SH3PXD2A: variants seen among roughly 807,000 people sequenced by gnomAD.
The protein encoded by SH3PXD2A is SH3 and PX domains 2A.
SH3PXD2A carries 32 observed loss-of-function variants against 115.2 expected under a neutral mutation model. The ratio of observed to expected loss-of-function variants is 0.28; its 90% confidence interval spans 0.21 to 0.37. SH3PXD2A has a LOEUF of 0.37. Ranked by LOEUF, SH3PXD2A falls within the 10% of genes least tolerant of loss-of-function variation. SH3PXD2A has a pLI of 1.00. For synonymous variants in SH3PXD2A, 610 were observed against 629.1 expected (o/e 0.97, Z 0.45); for missense variants, 1,328 against 1,498.7 (o/e 0.89, Z 1.88).
At chr10:103,727,714 G>A (rs983019377) in intron 4 of SH3PXD2A, among the ~76,000 whole-genome samples, 3 of 152,252 alleles carry the variant, frequency 2.0e-5, no homozygotes, top group African/African-American at 7.2e-5. Flanking sequence ...GGCAGAGGAC[G>A]CGTGGGCCAC....
In SH3PXD2A at chr10:103,666,051, C is replaced by T. The variant is rs999200773; in HGVS notation, c.472+2557G>A. Among the ~76,000 whole-genome samples, 15 of 152,174 alleles carry T rather than the reference C, an allele frequency of 9.9e-5. No individual in the cohort carries two copies. The highest frequency in any genetic ancestry group is 4.1e-4 in the South Asian group (2 of 4,834). ...AACTACCACCTGGATGGAACCCTGGCTGCCAACTTAAACTTCTCAACTGGG... is the reference window on the plus strand; with the variant it reads ...AACTACCACCTGGATGGAACCCTGGTTGCCAACTTAAACTTCTCAACTGGG... On this transcript the variant is annotated intron_variant, in intron 7 of 14. Transcript: ENST00000369774. The surrounding 1 kb of genome is among the most constrained non-coding windows in gnomAD (Gnocchi z 4.5).
At chr10:103,750,791 G>A (rs1424338554) in intron 3 of SH3PXD2A, among the ~76,000 whole-genome samples, 1 of 148,638 alleles carries the variant, frequency 6.7e-6, no homozygotes, top group Non-Finnish European at 1.5e-5. Flanking sequence ...GGCTTTTTTT[G>A]TTTCTTTTAT....
chr10:103,657,382 G>C (rs945464942), intron 8 of SH3PXD2A, among the ~76,000 whole-genome samples: 6 of 152,236 alleles, frequency 3.9e-5, no homozygotes, highest in African/African-American at 1.4e-4. Context: ...CTGCTGGAGA[G>C]GGAAGCCAAT....
At chr10:103,769,134 C>G (rs1393197539) in intron 2 of SH3PXD2A, among the ~76,000 whole-genome samples, 5 of 142,014 alleles carry the variant, frequency 3.5e-5, no homozygotes, top group Admixed American at 2.1e-4. Context: ...AGGCTAGACT[C>G]TGTGTGTGTG....
chr10:103,732,051 A>T (rs1334147759), intron 4 of SH3PXD2A, among the ~76,000 whole-genome samples: 1 of 152,176 alleles, frequency 6.6e-6, no homozygotes, highest in Non-Finnish European at 1.5e-5. Context: ...GCAGCAAAAA[A>T]ATTCTAGTCG....
chr10:103,763,667 C>T (rs1411646085), intron 3 of SH3PXD2A, among the ~76,000 whole-genome samples: 1 of 152,196 alleles, frequency 6.6e-6, no homozygotes, highest in East Asian at 1.9e-4. Context: ...AGCCCCTGTA[C>T]CAGCTGCGGC....
chr10:103,688,563 C>T (rs2037708661), intron 6 of SH3PXD2A, among the ~76,000 whole-genome samples: 1 of 152,152 alleles, frequency 6.6e-6, no homozygotes, highest in African/African-American at 2.4e-5. Context: ...AGGAGCCAGC[C>T]ATGTGAAAGA....
chr10:103,816,219 A>T (rs2039322199), intron 1 of SH3PXD2A, among the ~76,000 whole-genome samples: 1 of 152,250 alleles, frequency 6.6e-6, no homozygotes, highest in Non-Finnish European at 1.5e-5. Flanking sequence ...GACTGTAGTC[A>T]TCATTTCATT....
rs985775937 is a variant in SH3PXD2A at position 103,784,483 on chromosome 10, A to G, written c.153+16799T>C. Among the ~76,000 whole-genome samples, 5 of 152,234 alleles carry G rather than the reference A, an allele frequency of 3.3e-5. No individual in the cohort carries two copies. The highest frequency in any genetic ancestry group is 6.5e-5 in the Admixed American group (1 of 15,288). Reference sequence around the variant, plus strand: ...ACCATTTTATTTATTTAAAAGAGACATATCTGAAGCAAATGTGGCAAAATA... The same window carrying G: ...ACCATTTTATTTATTTAAAAGAGACGTATCTGAAGCAAATGTGGCAAAATA... On this transcript the variant is annotated intron_variant, in intron 2 of 14. Transcript: ENST00000369774. This position sits in a 1 kb window ranked among gnomAD's most constrained non-coding sequence, Gnocchi z 4.4.
At chr10:103,641,714 G>A (rs1423091911) in intron 8 of SH3PXD2A, among the ~76,000 whole-genome samples, 3 of 152,108 alleles carry the variant, frequency 2.0e-5, no homozygotes, top group East Asian at 3.9e-4. Flanking sequence ...TGGAAGAGTC[G>A]AGGGTGTGGC....
chr10:103,612,008 C>G (rs1288185364), intron 12 of SH3PXD2A, among the ~76,000 whole-genome samples: 1 of 152,188 alleles, frequency 6.6e-6, no homozygotes, highest in Non-Finnish European at 1.5e-5. Context: ...TAGCATAATG[C>G]CAGGCAAGAG....
chr10:103,676,966 A>T (rs562990984), intron 6 of SH3PXD2A, among the ~76,000 whole-genome samples: 86 of 152,210 alleles, frequency 5.7e-4, no homozygotes, highest in African/African-American at 2.0e-3. Flanking sequence ...ATTTGCGTTC[A>T]CACAGAGAAG....
chr10:103,750,472 T>A (rs536871637), intron 3 of SH3PXD2A, among the ~76,000 whole-genome samples: 3 of 152,348 alleles, frequency 2.0e-5, no homozygotes, highest in African/African-American at 7.2e-5. Context: ...TCAGAGATAT[T>A]TGGAACACTG....
At chr10:103,728,277 C>T (rs577549712) in intron 4 of SH3PXD2A, among the ~76,000 whole-genome samples, 5 of 152,248 alleles carry the variant, frequency 3.3e-5, no homozygotes, top group South Asian at 4.2e-4. Flanking sequence ...GGAAGTTAAG[C>T]GAGATGAATA....
At chr10:103,684,602 C>G (rs1355964760) in intron 6 of SH3PXD2A, among the ~76,000 whole-genome samples, 1 of 152,166 alleles carries the variant, frequency 6.6e-6, no homozygotes, top group East Asian at 1.9e-4. Flanking sequence ...CCAACTGCCT[C>G]GGTCTTCCAA....
At chr10:103,753,887 G>A (rs1436500173) in intron 3 of SH3PXD2A, 1 of 152,138 alleles carries the variant, frequency 6.6e-6, no homozygotes, top group Non-Finnish European at 1.5e-5. Flanking sequence ...GGCTCACATC[G>A]TGAACAGCTG....
At chr10:103,673,850 A>G (rs1054094669) in intron 6 of SH3PXD2A, among the ~76,000 whole-genome samples, 45 of 152,200 alleles carry the variant, frequency 3.0e-4, no homozygotes, top group African/African-American at 1.0e-3. Context: ...TCAGGGGACC[A>G]GGGCAGGGTC....
chr10:103,825,506 C>T (rs541079978), intron 1 of SH3PXD2A, among the ~76,000 whole-genome samples: 9 of 152,220 alleles, frequency 5.9e-5, no homozygotes, highest in South Asian at 2.1e-4. Context: ...ATTGTTCATT[C>T]GAAACTCATT....
intron 2 of SH3PXD2A, among the ~76,000 whole-genome samples, chr10:103,776,936 A>G (rs906431911): frequency 6.6e-6 from 1 of 152,256 alleles, no homozygotes; most frequent in Non-Finnish European, 1.5e-5. Context: ...AACCCATACC[A>G]TTAACACATT....
Sources: allele counts gnomAD v4.1 joint callset (sites outside exome capture counted in the v4.1 genomes callset), GRCh38; gene constraint gnomAD v4.1.1; non-coding constraint Gnocchi (gnomAD v3.1); transcripts MANE v1.5; gene names NCBI Gene and HGNC (gene_info 2026-07-23, HGNC 2026-07-21).